Variants in LAMA2 observed in about 807,000 individuals in gnomAD.
LAMA2 encodes the protein laminin subunit alpha-2.
Under a neutral mutation model 364.8 loss-of-function variants are expected in LAMA2, and 269 were observed. That is an observed-to-expected ratio of 0.74 (90% CI 0.67 to 0.82). The LOEUF (loss-of-function observed/expected upper bound fraction) is 0.82, where lower values mean the gene tolerates loss of function less well. Ranked by LOEUF, LAMA2 falls within the 40% of genes least tolerant of loss-of-function variation. The pLI is 0.00. For synonymous variants in LAMA2, 1,379 were observed against 1,370.6 expected, an observed-to-expected ratio of 1.01 and a Z score of -0.14; for missense variants, 3,807 against 3,873.2, an observed-to-expected ratio of 0.98 and a Z score of 0.45.
chr6:129,251,719 T>C (rs903368006), intron 13 of LAMA2, among the ~76,000 whole-genome samples: 2 of 152,076 alleles, frequency 1.3e-5, no homozygotes, highest in African/African-American at 2.4e-5. Flanking sequence ...GATCACCTGA[T>C]GTCAGGAGTT....
intron 58 of LAMA2, among the ~76,000 whole-genome samples, chr6:129,496,443 G>A (rs907214549): frequency 2.0e-5 from 3 of 152,162 alleles, no homozygotes; most frequent in African/African-American, 7.2e-5. Context: ...TGGGATTACA[G>A]GCATGAGACA....
intron 12 of LAMA2, among the ~76,000 whole-genome samples, chr6:129,241,582 A>C (rs1236662386): frequency 1.3e-5 from 2 of 152,130 alleles, no homozygotes; most frequent in Non-Finnish European, 2.9e-5. Flanking sequence ...TCTGAAAGCA[A>C]AATTAACTTT....
chr6:128,946,368 A>G (rs1780485563), intron 1 of LAMA2, among the ~76,000 whole-genome samples: 1 of 152,210 alleles, frequency 6.6e-6, no homozygotes, highest in Non-Finnish European at 1.5e-5. Flanking sequence ...CTGGCAACAC[A>G]GTACACTGTG....
At chr6:129,495,073 T>C (rs1785088834) in intron 58 of LAMA2, among the ~76,000 whole-genome samples, 1 of 152,210 alleles carries the variant, frequency 6.6e-6, no homozygotes, top group Non-Finnish European at 1.5e-5. Flanking sequence ...TGGGTTCCTT[T>C]TACATGATAC....
At chr6:129,502,800 G>T (rs1156634044) in intron 59 of LAMA2, 29 bp downstream of exon 59, 4 of 1,386,262 alleles carry the variant, frequency 2.9e-6, no homozygotes, top group Non-Finnish European at 2.1e-6. Context: ...CACTGGGAAA[G>T]AACCGATAAA....
intron 32 of LAMA2, among the ~76,000 whole-genome samples, chr6:129,364,863 G>A (rs1264956860): frequency 1.3e-5 from 2 of 152,206 alleles, no homozygotes; most frequent in Admixed American, 6.5e-5. Flanking sequence ...TGGCCTCAGG[G>A]AACTTTCACT....
At chr6:129,508,763 C>T (rs938012823) in intron 62 of LAMA2, among the ~76,000 whole-genome samples, 3 of 152,170 alleles carry the variant, frequency 2.0e-5, no homozygotes, top group Non-Finnish European at 4.4e-5. Flanking sequence ...TTTATCCGTT[C>T]ATCTGCTGAT....
At chr6:128,889,278 G>C (rs183930347) in intron 1 of LAMA2, among the ~76,000 whole-genome samples, 31 of 152,092 alleles carry the variant, frequency 2.0e-4, no homozygotes, top group Non-Finnish European at 3.7e-4. Flanking sequence ...AATCTCAGAC[G>C]CTAAAGTTTA....
chr6:129,383,321 A>C (rs1241405526), intron 35 of LAMA2, 88 bp downstream of exon 35: 1 of 1,006,008 alleles, frequency 9.9e-7, no homozygotes, highest in Non-Finnish European at 1.5e-6. Context: ...TTCTCTTGTT[A>C]TAAGTGACAT....
chr6:129,111,448 T>G (rs1304958414), intron 4 of LAMA2, among the ~76,000 whole-genome samples: 1 of 151,968 alleles, frequency 6.6e-6, no homozygotes, highest in Non-Finnish European at 1.5e-5. Flanking sequence ...CTTCATTCAG[T>G]AATCAGAATT....
rs754830528 is a variant in LAMA2 at position 129,366,308 on chromosome 6, C to A, written c.4807C>A (p.Pro1603Thr). 6.2e-7 allele frequency: 1 copy of A among 1,613,856 alleles called. No individual in the cohort carries two copies. Among genetic ancestry groups the A allele is most frequent in the Admixed American group, 1.7e-5 (1 of 59,974 alleles). Residue 1603 changes from proline (P) to threonine (T), a missense_variant, in exon 33 of 65, where the codon CCT (proline) becomes ACT (threonine). Around this residue, in one of 3 missense-constraint regions of LAMA2, gnomAD observed 3,333 missense variants for 3,345.7 expected, o/e 1.00. Coordinates refer to ENST00000421865, the MANE Select transcript of LAMA2 (RefSeq NM_000426.4). ...VMSINLTGPL[P>T]APYKMLYGLE... ...GAGCATCAACCTCACTGGTCCGCTG[C>A]CTGCGCCATATAAAATGCTGTATGG...
At chr6:129,149,275 TAGC>T (rs1213975471) in intron 7 of LAMA2, among the ~76,000 whole-genome samples, 179 bp downstream of exon 7, 1 of 152,172 alleles carries the variant, frequency 6.6e-6, no homozygotes, top group African/African-American at 2.4e-5. Context: ...CTAAGAAATG[TAGC>T]AGATGACTTT....
intron 30 of LAMA2, among the ~76,000 whole-genome samples, chr6:129,348,530 T>C (rs937963584): frequency 6.6e-6 from 1 of 152,106 alleles, no homozygotes; most frequent in African/African-American, 2.4e-5. Flanking sequence ...TAATATAGTT[T>C]AGTTTTCAAG....
At chr6:129,194,684 CTTGGTGGTT>C (rs1326886945) in intron 12 of LAMA2, among the ~76,000 whole-genome samples, 4 of 152,092 alleles carry the variant, frequency 2.6e-5, no homozygotes, top group Non-Finnish European at 5.9e-5. Flanking sequence ...CGTGGAAGCC[CTTGGTGGTT>C]TACTGTCAGG....
intron 53 of LAMA2, among the ~76,000 whole-genome samples, chr6:129,476,474 C>A (rs935148431): frequency 2.0e-5 from 3 of 152,060 alleles, no homozygotes; most frequent in Admixed American, 2.0e-4. Flanking sequence ...GAGTGGTGAC[C>A]CTCAAGAAAC....
chr6:129,486,368 G>T, intron 55 of LAMA2, 106 bp from the exon 56 acceptor site: 2 of 1,038,142 alleles, frequency 1.9e-6, no homozygotes, highest in South Asian at 1.3e-5. Flanking sequence ...TAATTTCTCA[G>T]GTAAGATCTC....
chr6:129,334,317 A>G (rs1775824400), intron 29 of LAMA2, among the ~76,000 whole-genome samples: 1 of 152,216 alleles, frequency 6.6e-6, no homozygotes, highest in Non-Finnish European at 1.5e-5. Flanking sequence ...TACTCAATTT[A>G]TTTAACCTGA....
chr6:129,472,837 A>G lies in LAMA2; in HGVS notation c.7301-377A>G, dbSNP rs952875842. Among the ~76,000 whole-genome samples, 4 of 152,090 alleles carry G rather than the reference A, an allele frequency of 2.6e-5. No homozygotes were observed. The South Asian group carries it at 8.3e-4, about 32-fold the overall frequency. ...CATAGATTAGGCATATTTCTAATTA[A>G]TTATCTGATTCCTAATTAGATATCT... On this transcript the variant is annotated intron_variant, in intron 51 of 64. Transcript: ENST00000421865.
intron 49 of LAMA2, 47 bp downstream of exon 49, chr6:129,460,371 A>G: frequency 6.3e-7 from 1 of 1,589,642 alleles, no homozygotes; most frequent in Non-Finnish European, 8.6e-7. Flanking sequence ...GTGCATAATA[A>G]AAGCTTCGAT....
Sources: gnomAD v4.1 joint callset for allele counts (sites outside exome capture counted in the v4.1 genomes callset) on GRCh38, gnomAD v4.1.1 for gene constraint, gnomAD v4.1.1 regional missense constraint, MANE v1.5 for transcripts, NCBI Gene and HGNC (gene_info 2026-07-23, HGNC 2026-07-21) for gene names.